The following POT1 variants were observed in gnomAD, a reference collection of about 807,000 sequenced individuals.
POT1 encodes protection of telomeres protein 1.
POT1 carries 47 observed loss-of-function variants against 78.5 expected under a neutral mutation model. That is an observed-to-expected ratio of 0.60 (90% CI 0.47 to 0.76). The LOEUF (loss-of-function observed/expected upper bound fraction) is 0.76, where lower values mean the gene tolerates loss of function less well. POT1 is among the 30% of genes least tolerant of loss of function. The pLI, the probability that POT1 is intolerant of heterozygous loss-of-function variation, is 0.00. For synonymous variants in POT1, 259 were observed against 260.7 expected, an observed-to-expected ratio of 0.99 and a Z score of 0.06; for missense variants, 646 against 749.9, an observed-to-expected ratio of 0.86 and a Z score of 1.62.
Position 124,858,990 on chromosome 7 carries a change from G to A in POT1, c.669C>T (p.Tyr223=), listed in dbSNP as rs1307901642. The A allele has an allele frequency of 7.5e-6, 12 of 1,610,606 alleles. No individual in the cohort carries two copies. Among genetic ancestry groups the A allele is most frequent in the African/African-American group, 1.3e-5 (1 of 74,808 alleles). The change falls in exon 9 of 19, where the codon TAC becomes TAT. Residue 223 remains tyrosine (Y), a synonymous_variant. Transcript: ENST00000357628. ...LQNLTIDILV[Y]DNHVHVARSL... ...ATCTTGCCACATGAACATGGTTATC[G>A]TAGACTAAAATGTCTATTGTCAGAT...
intron 3 of POT1, among the ~76,000 whole-genome samples, 166 bp from the exon 4 acceptor site, chr7:124,898,540 A>G (rs185517233): frequency 1.1e-4 from 17 of 152,132 alleles, no homozygotes; most frequent in Admixed American, 9.8e-4. Context: ...TACATTATTT[A>G]GACTACCACT....
chr7:124,882,411 G>A (rs1796140598), intron 6 of POT1, among the ~76,000 whole-genome samples: 4 of 151,938 alleles, frequency 2.6e-5, no homozygotes, highest in Admixed American at 1.3e-4. Flanking sequence ...ACAAAAATAA[G>A]AGCACTCTTT....
chr7:124,831,266 G>A (rs1350126637), intron 15 of POT1, among the ~76,000 whole-genome samples: 1 of 152,030 alleles, frequency 6.6e-6, no homozygotes, highest in Non-Finnish European at 1.5e-5. Flanking sequence ...AGAACAATTT[G>A]GTATTTCTTC....
chr7:124,903,537 A>C lies in POT1; in HGVS notation c.-153-5163T>G, dbSNP rs541532752. Among the ~76,000 whole-genome samples the C allele has an allele frequency of 2.6e-5, 4 of 152,306 alleles. No homozygotes were observed. In the South Asian group the frequency reaches 8.3e-4, roughly 32 times the overall value. Reference sequence around the variant, plus strand: ...CACATTTAAAGCAGTGTGTAGAGGGAAATTTATAGCACTAAATACCCACAA... The same window carrying C: ...CACATTTAAAGCAGTGTGTAGAGGGCAATTTATAGCACTAAATACCCACAA... On this transcript the variant is annotated intron_variant, in intron 3 of 18. Coordinates refer to ENST00000357628, the MANE Select transcript of POT1 (RefSeq NM_015450.3).
intron 6 of POT1, among the ~76,000 whole-genome samples, chr7:124,890,569 T>C (rs1438717937): frequency 6.6e-6 from 1 of 151,836 alleles, no homozygotes; most frequent in Admixed American, 6.6e-5. Context: ...ACTTCAGTAT[T>C]GTCTTATTTT....
intron 7 of POT1, among the ~76,000 whole-genome samples, chr7:124,865,411 T>G (rs759481082): frequency 2.0e-5 from 3 of 152,112 alleles, no homozygotes; most frequent in Non-Finnish European, 2.9e-5. Context: ...GCATCCTAAA[T>G]TACATGTAAC....
At chr7:124,878,098 A>C (rs1796033303) in intron 6 of POT1, among the ~76,000 whole-genome samples, 2 of 152,112 alleles carry the variant, frequency 1.3e-5, no homozygotes, top group Admixed American at 1.3e-4. Flanking sequence ...TAGGAGGCCA[A>C]GGTGGGTGGA....
chr7:124,836,681 C>T (rs1343530831), intron 14 of POT1, among the ~76,000 whole-genome samples: 4 of 152,174 alleles, frequency 2.6e-5, no homozygotes, highest in African/African-American at 9.6e-5. Context: ...GCTGGACAAC[C>T]TTGGTCAAGT....
intron 3 of POT1, among the ~76,000 whole-genome samples, chr7:124,910,879 T>C (rs1386691602): frequency 1.3e-5 from 2 of 152,084 alleles, no homozygotes; most frequent in East Asian, 3.9e-4. Flanking sequence ...AGAAAAAGCA[T>C]AACACATTGA....
intron 3 of POT1, among the ~76,000 whole-genome samples, chr7:124,913,267 G>A (rs1312473828): frequency 6.6e-6 from 1 of 152,046 alleles, no homozygotes; most frequent in African/African-American, 2.4e-5. Context: ...CATCAGTATT[G>A]TATTTCTTCT....
chr7:124,833,324 TATA>T (rs1177756651), intron 15 of POT1, among the ~76,000 whole-genome samples: 2 of 152,176 alleles, frequency 1.3e-5, no homozygotes, highest in Admixed American at 6.5e-5. Context: ...ATGCTTACCG[TATA>T]ATATTTTTCA....
At chr7:124,896,939 A>T (rs1796505787) in intron 5 of POT1, among the ~76,000 whole-genome samples, 1 of 151,790 alleles carries the variant, frequency 6.6e-6, no homozygotes, top group South Asian at 2.1e-4. Context: ...ATATCAGCAG[A>T]TATTCCAGAC....
chr7:124,898,861 C>A (rs1563012011), intron 3 of POT1, among the ~76,000 whole-genome samples: 1 of 152,122 alleles, frequency 6.6e-6, no homozygotes, highest in African/African-American at 2.4e-5. Context: ...TATTTTCTTT[C>A]TACTTAGGTT....
intron 7 of POT1, among the ~76,000 whole-genome samples, chr7:124,869,122 A>T (rs537676849): frequency 6.6e-6 from 1 of 152,180 alleles, no homozygotes; most frequent in Non-Finnish European, 1.5e-5. Flanking sequence ...ACATTTCTCT[A>T]GACTGTGAAT....
At chr7:124,879,415 C>T (rs1796066487) in intron 6 of POT1, among the ~76,000 whole-genome samples, 2 of 152,130 alleles carry the variant, frequency 1.3e-5, no homozygotes, top group Admixed American at 1.3e-4. Flanking sequence ...TGAAGAAAAT[C>T]TGCCTGTCTG....
chr7:124,914,070 G>A, intron 3 of POT1, among the ~76,000 whole-genome samples: 1 of 149,686 alleles, frequency 6.7e-6, no homozygotes, highest in Non-Finnish European at 1.5e-5. Context: ...AGGAGGCAGA[G>A]GTTGCAGTGA....
chr7:124,830,831 C>T (rs1794742174), intron 15 of POT1, among the ~76,000 whole-genome samples: 1 of 151,780 alleles, frequency 6.6e-6, no homozygotes, highest in Non-Finnish European at 1.5e-5. Context: ...CTATAAAACA[C>T]AAGAAACCAT....
chr7:124,906,964 T>C (rs1056784979), intron 3 of POT1, among the ~76,000 whole-genome samples: 2 of 152,086 alleles, frequency 1.3e-5, no homozygotes, highest in African/African-American at 4.8e-5. Context: ...TGTTCTAAGC[T>C]TCTGAGAAGA....
chr7:124,859,213 G>T, intron 8 of POT1, 101 bp from the exon 9 acceptor site: 1 of 787,332 alleles, frequency 1.3e-6, no homozygotes, highest in South Asian at 3.6e-5. Flanking sequence ...TTAAACTTAT[G>T]CCTCTGAATA....
Sources: gnomAD v4.1 joint callset for allele counts (sites outside exome capture counted in the v4.1 genomes callset) on GRCh38, gnomAD v4.1.1 for gene constraint, MANE v1.5 for transcripts, NCBI Gene and HGNC (gene_info 2026-07-23, HGNC 2026-07-21) for gene names.